Variants in CLIP3 observed in about 807,000 individuals in gnomAD.
CLIP3 encodes the protein CAP-Gly domain-containing linker protein 3.
In CLIP3, 15 loss-of-function variants were observed where a neutral mutation model predicts 59.4. The observed-to-expected ratio is 0.25, with a 90% CI of 0.17 to 0.39. The LOEUF is 0.39. Ranked by LOEUF, CLIP3 falls within the 10% of genes least tolerant of loss-of-function variation. CLIP3 has a pLI of 1.00. For missense variants in CLIP3, 495 were observed against 765.7 expected (o/e 0.65, Z 4.17); for synonymous variants, 300 against 321.6 (o/e 0.93, Z 0.72).
At position 36,016,342 on chromosome 19, in the gene CLIP3, G is replaced by GGTTT. The variant is rs1555786978; in HGVS notation, c.1590-134_1590-131dup. 49 of 1,062,130 alleles carry GGTTT rather than the reference G, an allele frequency of 4.6e-5. No individual in the cohort carries two copies. Among genetic ancestry groups the GGTTT allele is most frequent in the Admixed American group, 6.0e-5 (3 of 49,850 alleles). 65.8% of individuals were successfully genotyped at this position (1,062,130 alleles called of 1,614,324 possible). ...ATTCTGCCTCTACCTCTCTGGCTGTGGTTTGTTTGTTTGTTTGTTTTCTGA... is the reference window on the plus strand; with the variant it reads ...ATTCTGCCTCTACCTCTCTGGCTGTGGTTTGTTTGTTTGTTTGTTTGTTTTCTGA... On this transcript the variant is annotated intron_variant, in intron 13 of 13. Transcript: ENST00000360535. The surrounding 1 kb of genome is among the most constrained non-coding windows in gnomAD (Gnocchi z 4.1).
At chr19:36,017,062 T>C in intron 12 of CLIP3, 83 bp from the exon 13 acceptor site, 1 of 1,390,406 alleles carries the variant, frequency 7.2e-7, no homozygotes, top group Non-Finnish European at 1.0e-6. Context: ...TTCTCATTAA[T>C]ACCTCCCCAT....
In CLIP3 at chr19:36,016,321, T is replaced by C; in HGVS notation, c.1590-109A>G. On this transcript the variant is annotated intron_variant, in intron 13 of 13. Transcript: ENST00000360535. The surrounding 1 kb of genome is among the most constrained non-coding windows in gnomAD (Gnocchi z 4.1). The stretch of plus-strand genomic sequence containing the variant: ...TTTGCTATCAGGCCTTTCTGGATTC[T>C]GCCTCTACCTCTCTGGCTGTGGTTT... The C allele has an allele frequency of 3.4e-6, 4 of 1,183,574 alleles. No individual in the cohort carries two copies. The highest frequency in any genetic ancestry group is 1.2e-6 in the Non-Finnish European group (1 of 806,444). The allele number at this position is 1,183,574 out of a possible 1,614,324, so 73.3% of individuals were successfully genotyped here. A position where few individuals can be genotyped will look rare whatever the true frequency, so the allele number is the denominator to read the frequency against.
At position 36,015,660 on chromosome 19, in the gene CLIP3, G is replaced by A; in HGVS notation, c.*498C>T. Reference sequence around the variant, plus strand: ...TCTAAGGGCTTCAGGGTGACCATGGGGTCACGACATCTTGAGAGGACTGAT... The same window carrying A: ...TCTAAGGGCTTCAGGGTGACCATGGAGTCACGACATCTTGAGAGGACTGAT... On this transcript the variant is annotated 3_prime_UTR_variant, in exon 14 of 14. Transcript: ENST00000360535. The A allele has an allele frequency of 5.8e-6, 1 of 171,754 alleles. No individual in the cohort carries two copies. The highest frequency in any genetic ancestry group is 1.3e-5 in the Non-Finnish European group (1 of 78,222). The allele number at this position is 171,754 out of a possible 1,614,324, so 10.6% of individuals were successfully genotyped here.
intron 12 of CLIP3, 75 bp from the exon 13 acceptor site, chr19:36,017,054 C>T (rs1053797306): frequency 7.4e-5 from 106 of 1,441,568 alleles, no homozygotes; most frequent in Non-Finnish European, 9.6e-5. Flanking sequence ...CAGACCCCTT[C>T]TCATTAATAC....
chr19:36,017,753 G>A lies in CLIP3; in HGVS notation c.1353C>T (p.Asp451=). Residue 451 remains aspartate (D), a synonymous_variant, in exon 11 of 14, where the codon GAC becomes GAT. Coordinates refer to ENST00000360535, the MANE Select transcript of CLIP3 (RefSeq NM_015526.3). ...AGCCATCATGCTTGCCTGTGGGCTG[G>A]TCCAGCTCAATGCCATACCAGTAAC... The part of the protein sequence containing the change: ...APGYWYGIEL[D]QPTGKHDGSV... 6.2e-7 allele frequency: 1 copy of A among 1,614,118 alleles called. No individual in the cohort carries two copies. Among genetic ancestry groups the A allele is most frequent in the Non-Finnish European group, 8.5e-7 (1 of 1,180,020 alleles).
intron 9 of CLIP3, 30 bp from the exon 10 acceptor site, chr19:36,018,021 G>A: frequency 6.2e-7 from 1 of 1,611,910 alleles, no homozygotes; most frequent in Non-Finnish European, 8.5e-7. Flanking sequence ...GAGGTGGGTA[G>A]TGGGGCTGAG....
chr19:36,019,334 A>C, intron 7 of CLIP3, 28 bp from the exon 8 acceptor site: 1 of 1,594,772 alleles, frequency 6.3e-7, no homozygotes, highest in East Asian at 2.3e-5. Flanking sequence ...GCGATGGCTA[A>C]GGAAGGAATG....
chr19:36,032,393 T>TG lies in CLIP3; in HGVS notation c.-37dup. On this transcript the variant is annotated 5_prime_UTR_variant, in exon 2 of 14. Transcript: ENST00000360535. This position sits in a 1 kb window ranked among gnomAD's most constrained non-coding sequence, Gnocchi z 4.3. ...GGCCCTCGGGGGGCGGGTGCAGAGT[T>TG]GGGGGCAGCCTTCAGGCAAATCCTG... 1.8e-6 allele frequency: 2 copies of TG among 1,137,110 alleles called. No homozygotes were observed. Among genetic ancestry groups the TG allele is most frequent in the Non-Finnish European group, 1.1e-6 (1 of 888,632 alleles). 70.4% of individuals were successfully genotyped at this position (1,137,110 alleles called of 1,614,324 possible).
At chr19:36,029,196 T>TGA (rs1157835103) in intron 2 of CLIP3, among the ~76,000 whole-genome samples, 1 of 150,242 alleles carries the variant, frequency 6.7e-6, no homozygotes, top group Non-Finnish European at 1.5e-5. Flanking sequence ...GGTGAGTGCC[T>TGA]GTAATCCCAG....
chr19:36,019,607 A>ATTT lies in CLIP3; in HGVS notation c.919-304_919-302dup, dbSNP rs1413659385. Among the ~76,000 whole-genome samples the ATTT allele has an allele frequency of 2.4e-3, 281 of 117,576 alleles. 3 individuals carry two copies. Among genetic ancestry groups the ATTT allele is most frequent in the African/African-American group, 7.4e-3 (240 of 32,632 alleles). 77.1% of individuals were successfully genotyped at this position (117,576 alleles called of 152,430 possible). ...ATTTATTTATTTATTTATTTTATTT[A>ATTT]TTTTTTTTTTTTTCGAGACAGCGTC... On this transcript the variant is annotated intron_variant, in intron 7 of 13. Transcript: ENST00000360535.
At chr19:36,027,484 T>C (rs780320580) in intron 2 of CLIP3, among the ~76,000 whole-genome samples, 3 of 152,106 alleles carry the variant, frequency 2.0e-5, no homozygotes, top group Admixed American at 6.6e-5. Context: ...CGATGCCCAG[T>C]GTGTCTTGAA....
intron 12 of CLIP3, 122 bp downstream of exon 12, chr19:36,017,264 T>G: frequency 9.8e-7 from 1 of 1,018,128 alleles, no homozygotes; most frequent in African/African-American, 1.6e-5. Flanking sequence ...CTCATCATTT[T>G]CCTGGACCCT....
chr19:36,018,495 T>C (rs1405367645), intron 9 of CLIP3, among the ~76,000 whole-genome samples: 1 of 151,602 alleles, frequency 6.6e-6, no homozygotes, highest in East Asian at 1.9e-4. Context: ...GGCACGAGAA[T>C]TGCTTGAACC....
At chr19:36,018,536 C>T (rs1032839502) in intron 9 of CLIP3, among the ~76,000 whole-genome samples, 6 of 147,994 alleles carry the variant, frequency 4.1e-5, no homozygotes, top group African/African-American at 1.3e-4. Flanking sequence ...GAGCCAAGAT[C>T]GTGCCACCAC....
chr19:36,026,759 G>T lies in CLIP3; in HGVS notation c.401-12C>A, dbSNP rs1197686756. 3.8e-6 allele frequency: 6 copies of T among 1,588,326 alleles called. No homozygotes were observed. Among genetic ancestry groups the T allele is most frequent in the Non-Finnish European group, 5.1e-6 (6 of 1,172,786 alleles). Reference sequence around the variant, plus strand: ...TGCCGCGGGGTCCCCTGCGCGATAGGCCGGGTCAGCTTGGAACCCCCATTC... The same window carrying T: ...TGCCGCGGGGTCCCCTGCGCGATAGTCCGGGTCAGCTTGGAACCCCCATTC... On this transcript the variant is annotated splice_polypyrimidine_tract_variant and intron_variant, in intron 4 of 13. Coordinates refer to ENST00000360535, the MANE Select transcript of CLIP3 (RefSeq NM_015526.3). The surrounding 1 kb of genome is among the most constrained non-coding windows in gnomAD (Gnocchi z 6.3).
At chr19:36,020,480 T>A (rs1968924544) in intron 7 of CLIP3, among the ~76,000 whole-genome samples, 1 of 146,490 alleles carries the variant, frequency 6.8e-6, no homozygotes, top group Admixed American at 6.6e-5. Flanking sequence ...GGTGCACGCC[T>A]GTAATCCCAG....
intron 7 of CLIP3, 61 bp downstream of exon 7, chr19:36,024,335 G>A (rs1969035459): frequency 6.9e-7 from 1 of 1,453,402 alleles, no homozygotes; most frequent in African/African-American, 1.4e-5. Flanking sequence ...GCAGCTCCAA[G>A]GGATTAAGGG....
At chr19:36,019,419 C>T in intron 7 of CLIP3, 113 bp from the exon 8 acceptor site, 1 of 1,259,278 alleles carries the variant, frequency 7.9e-7, no homozygotes, top group Non-Finnish European at 1.1e-6. Context: ...GCCCAAACCC[C>T]AGGTCACACA....
intron 6 of CLIP3, among the ~76,000 whole-genome samples, chr19:36,025,483 C>T (rs1042945963): frequency 2.0e-5 from 3 of 151,188 alleles, no homozygotes; most frequent in East Asian, 1.9e-4. Flanking sequence ...TCTACCTACT[C>T]GGGAGGCTGA....
Sources: allele counts gnomAD v4.1 joint callset (sites outside exome capture counted in the v4.1 genomes callset), GRCh38; gene constraint gnomAD v4.1.1; non-coding constraint Gnocchi (gnomAD v3.1); transcripts MANE v1.5; gene names NCBI Gene and HGNC (gene_info 2026-07-23, HGNC 2026-07-21).